LYST: variants seen among roughly 807,000 people sequenced by gnomAD.
The protein encoded by LYST is lysosomal-trafficking regulator.
A neutral mutation model predicts 413.6 loss-of-function variants in LYST; 192 were observed. The ratio of observed to expected loss-of-function variants is 0.46; its 90% CI spans 0.41 to 0.52. LYST has a LOEUF of 0.52. LYST is among the 20% of genes least tolerant of loss of function. The pLI is 0.00. For synonymous variants in LYST, 1,525 were observed against 1,567.3 expected, an observed-to-expected ratio of 0.97 and a Z score of 0.64; for missense variants, 3,815 against 4,499.9, an observed-to-expected ratio of 0.85 and a Z score of 4.35.
intron 44 of LYST, among the ~76,000 whole-genome samples, chr1:235,706,216 G>A (rs1366353589): frequency 6.6e-6 from 1 of 152,134 alleles, no homozygotes; most frequent in Non-Finnish European, 1.5e-5. Context: ...TCGTACCCTG[G>A]CATACTGAAG....
At chr1:235,869,865 TA>T (rs1680855696), upstream of LYST, among the ~76,000 whole-genome samples, 3 of 152,198 alleles carry the variant, frequency 2.0e-5, no homozygotes, top group African/African-American at 7.2e-5. Flanking sequence ...CCTGCTTCTT[TA>T]CTGTTTACCA....
chr1:235,751,268 T>C lies in LYST; in HGVS notation c.7722A>G (p.Ser2574=), dbSNP rs1251999777. Residue 2574 remains serine, a synonymous_variant, in exon 28 of 53, where the codon TCA becomes TCG. Coordinates refer to ENST00000389793, the MANE Select transcript of LYST (RefSeq NM_000081.4). ...GATGGGGAGCAGAAGGTGACTGGAG[T>C]GAATCTGTGAGGTTTTCAGAGTCAT... ...ANHDSENLTD[S]LQSPSAPHHA... 2.4e-5 allele frequency: 39 copies of C among 1,613,634 alleles called. No individual in the cohort carries two copies. The highest frequency in any genetic ancestry group is 3.1e-5 in the Non-Finnish European group (37 of 1,179,678).
At chr1:235,805,374 G>A (rs966819406) in intron 6 of LYST, among the ~76,000 whole-genome samples, 10 of 152,032 alleles carry the variant, frequency 6.6e-5, no homozygotes, top group Non-Finnish European at 1.5e-4. Context: ...ATCTTCCATC[G>A]GTCAAGGGTG....
chr1:235,805,596 AGTAATATAT>A (rs1402959362), intron 6 of LYST, 138 bp downstream of exon 6: 1 of 269,400 alleles, frequency 3.7e-6, no homozygotes, highest in African/African-American at 2.3e-5. Flanking sequence ...CATATATAAA[AGTAATATAT>A]TATATGTTAT....
intron 1 of LYST, among the ~76,000 whole-genome samples, chr1:235,841,374 A>G (rs1025217180): frequency 2.0e-5 from 3 of 152,132 alleles, no homozygotes; most frequent in South Asian, 2.1e-4. Flanking sequence ...TTTTTAGGCT[A>G]TAAGAAATAA....
At chr1:235,846,722 T>C (rs1302240080) in intron 1 of LYST, among the ~76,000 whole-genome samples, 1 of 151,930 alleles carries the variant, frequency 6.6e-6, no homozygotes, top group Non-Finnish European at 1.5e-5. Context: ...CTTTTAGAAA[T>C]GCAAAATGCT....
intron 32 of LYST, 151 bp from the exon 33 acceptor site, chr1:235,734,057 C>A: frequency 1.9e-6 from 1 of 535,256 alleles, no homozygotes; most frequent in South Asian, 3.1e-5. Flanking sequence ...AATGAACCAT[C>A]TAAACAATGT....
At chr1:235,822,605 G>T (rs1371555620) in intron 3 of LYST, among the ~76,000 whole-genome samples, 1 of 152,208 alleles carries the variant, frequency 6.6e-6, no homozygotes, top group African/African-American at 2.4e-5. Flanking sequence ...TATACTTCAA[G>T]AGGCGTAGAG....
intron 3 of LYST, among the ~76,000 whole-genome samples, chr1:235,820,372 TTTC>T (rs1558299130): frequency 6.6e-6 from 1 of 150,642 alleles, no homozygotes; most frequent in African/African-American, 2.5e-5. Flanking sequence ...TTTTCTTTTC[TTTC>T]TTTTTTTTTT....
At chr1:235,762,919 AAGC>A in intron 21 of LYST, 68 bp from the exon 22 acceptor site, 1 of 1,164,530 alleles carries the variant, frequency 8.6e-7, no homozygotes, top group Non-Finnish European at 1.3e-6. Context: ...ATAACTTTAA[AAGC>A]AGATCATTAA....
At position 235,771,913 on chromosome 1, in the gene LYST, G is replaced by GTTTTTTTTTTTTTTT; in HGVS notation, c.5785-1617_5785-1616insAAAAAAAAAAAAAAA. Among the ~76,000 whole-genome samples the GTTTTTTTTTTTTTTT allele has an allele frequency of 2.1e-5, 2 of 95,182 alleles. 1 individual carries two copies. Among genetic ancestry groups the GTTTTTTTTTTTTTTT allele is most frequent in the South Asian group, 7.5e-4 (2 of 2,656 alleles). The allele number at this position is 95,182 out of a possible 152,430, so 62.4% of individuals were successfully genotyped here. Reference sequence around the variant, plus strand: ...CTAATAGATTAGAAAAGGTTTTTTAGTTTGTTTTTTTTTTTTTTTTTTTTT... The same window carrying GTTTTTTTTTTTTTTT: ...CTAATAGATTAGAAAAGGTTTTTTAGTTTTTTTTTTTTTTTTTTGTTTTTTTTTTTTTTTTTTTTT... On this transcript the variant is annotated intron_variant, in intron 19 of 52. Coordinates refer to ENST00000389793, the MANE Select transcript of LYST (RefSeq NM_000081.4).
chr1:235,712,237 C>T lies in LYST; in HGVS notation c.9785-40G>A, dbSNP rs535732079. 1.0e-4 allele frequency: 149 copies of T among 1,443,814 alleles called. 5 individuals are homozygous for T. The South Asian group carries it at 1.8e-3, about 18-fold the overall frequency. 89.4% of individuals were successfully genotyped at this position (1,443,814 alleles called of 1,614,324 possible). A position where few individuals can be genotyped will look rare whatever the true frequency, so the allele number is the denominator to read the frequency against. ...AAATAATACGATTAAGACACAAAGA[C>T]CTAATTCTATTTGAGGCCTATCATA... On this transcript the variant is annotated intron_variant, in intron 42 of 52. Coordinates refer to ENST00000389793, the MANE Select transcript of LYST (RefSeq NM_000081.4).
rs563832798 is a variant in LYST, at chr1:235,697,541, GA to G, written c.10375-270del. On this transcript the variant is annotated intron_variant, in intron 45 of 52. Coordinates refer to ENST00000389793, the MANE Select transcript of LYST (RefSeq NM_000081.4). Reference sequence around the variant, plus strand: ...CAAAATTCCTTGAAATTTGAGCAGAGAAAAAAATTTAGTACATTTCTTATTT... The same window carrying G: ...CAAAATTCCTTGAAATTTGAGCAGAGAAAAAATTTAGTACATTTCTTATTT... Among the ~76,000 whole-genome samples the G allele has an allele frequency of 3.0e-3, 452 of 152,148 alleles. 7 individuals carry two copies. The South Asian group carries it at 0.031, about 11-fold the overall frequency.
Position 235,809,370 on chromosome 1 carries a change from A to G in LYST, c.1448T>C (p.Val483Ala). Residue 483 changes from valine (V) to alanine (A), a missense_variant, in exon 5 of 53, where the codon GTC becomes GCC. Transcript: ENST00000389793. This position sits in a 1 kb window ranked among gnomAD's most constrained non-coding sequence, Gnocchi z 4.0. ...AAGTTGCTCTGATTTCACTTTTTTG[A>G]CAGTGCTCATTATTTTCATCACACT... ...INSVMKIMST[V>A]KKVKSEQLHH... The G allele has an allele frequency of 6.2e-7, 1 of 1,613,954 alleles. No individual in the cohort carries two copies. Among genetic ancestry groups the G allele is most frequent in the Non-Finnish European group, 8.5e-7 (1 of 1,179,960 alleles).
At chr1:235,692,248 G>C (rs1391843558) in intron 47 of LYST, among the ~76,000 whole-genome samples, 1 of 150,102 alleles carries the variant, frequency 6.7e-6, no homozygotes, top group Non-Finnish European at 1.5e-5. Flanking sequence ...CAGGAGAATT[G>C]CTTGAATCCG....
intron 17 of LYST, 141 bp from the exon 18 acceptor site, chr1:235,775,227 A>C: frequency 1.5e-6 from 1 of 686,466 alleles, no homozygotes; most frequent in Middle Eastern, 3.9e-4. Context: ...TACCTATGTA[A>C]GGCTTGTGAA....
chr1:235,783,367 C>T (rs1015842645), intron 14 of LYST, among the ~76,000 whole-genome samples: 1 of 151,732 alleles, frequency 6.6e-6, no homozygotes, highest in Non-Finnish European at 1.5e-5. Context: ...ACTCTATTGC[C>T]ATCTAGTGGC....
At chr1:235,863,221 T>A (rs962107760) in intron 1 of LYST, among the ~76,000 whole-genome samples, 1 of 151,572 alleles carries the variant, frequency 6.6e-6, no homozygotes, top group Admixed American at 6.6e-5. Flanking sequence ...TGAAACCCCA[T>A]CTCTGCTAAA....
At chr1:235,685,664 G>A (rs1332560563) in intron 48 of LYST, among the ~76,000 whole-genome samples, 1 of 151,920 alleles carries the variant, frequency 6.6e-6, no homozygotes, top group African/African-American at 2.4e-5. Context: ...TGACCAACAT[G>A]GCGAAACCCT....
Sources: gnomAD v4.1 joint callset for allele counts (sites outside exome capture counted in the v4.1 genomes callset) on GRCh38, gnomAD v4.1.1 for gene constraint, Gnocchi (gnomAD v3.1) non-coding constraint, MANE v1.5 for transcripts, NCBI Gene and HGNC (gene_info 2026-07-23, HGNC 2026-07-21) for gene names.